DRC9: variants seen among roughly 807,000 people sequenced by gnomAD.
DRC9 encodes dynein regulatory complex protein 9.
At chr3:197,934,527 C>T in the DRC9 span, among the ~76,000 whole-genome samples, 1 of 152,030 alleles carries the variant, frequency 6.6e-6, no homozygotes, top group African/African-American at 2.4e-5. Context: ...GTTCAGGAAA[C>T]ATTCACATTT....
chr3:197,939,490 G>A, the DRC9 span, among the ~76,000 whole-genome samples: 1 of 152,214 alleles, frequency 6.6e-6, no homozygotes, highest in East Asian at 1.9e-4. Context: ...CGCAGGAACG[G>A]CCTATGCCTT....
chr3:197,921,563 G>C, the DRC9 span, among the ~76,000 whole-genome samples: 1 of 151,856 alleles, frequency 6.6e-6, no homozygotes, highest in Non-Finnish European at 1.5e-5. Context: ...GTTTCGTCTT[G>C]GTCGACCCGA....
chr3:197,927,987 T>G, the DRC9 span, among the ~76,000 whole-genome samples: 1 of 152,082 alleles, frequency 6.6e-6, no homozygotes, highest in South Asian at 2.1e-4. Context: ...GGGAGAGCAT[T>G]AGGAGAAATA....
chr3:197,929,499 C>T, the DRC9 span, among the ~76,000 whole-genome samples: 18 of 152,178 alleles, frequency 1.2e-4, no homozygotes, highest in Middle Eastern at 3.4e-3. This position sits in a 1 kb window ranked among gnomAD's most constrained non-coding sequence, Gnocchi z 4.6. Context: ...GAGCCAGGTG[C>T]GGTGGCTCAC....
the DRC9 span, chr3:197,943,626 G>A: frequency 9.6e-5 from 69 of 719,512 alleles, 1 homozygote; most frequent in African/African-American, 9.3e-4. Context: ...GCCACAGAGC[G>A]AGACCCTGTC....
the DRC9 span, among the ~76,000 whole-genome samples, chr3:197,949,075 TA>T: frequency 2.0e-5 from 3 of 152,324 alleles, no homozygotes; most frequent in African/African-American, 7.2e-5. Context: ...AAGCCTCTTT[TA>T]CAGTGGCCTC....
chr3:197,953,579 C>T, the DRC9 span: 1 of 457,886 alleles, frequency 2.2e-6, no homozygotes, highest in South Asian at 1.5e-5. Context: ...CCCGTGATCA[C>T]TTCATGGCAT....
the DRC9 span, among the ~76,000 whole-genome samples, chr3:197,898,794 T>C: frequency 1.3e-5 from 2 of 152,184 alleles, no homozygotes; most frequent in African/African-American, 4.8e-5. Context: ...GTCTCGCCCT[T>C]GACATGTGGG....
the DRC9 span, among the ~76,000 whole-genome samples, chr3:197,893,357 C>CAAAAAAAAAA: frequency 6.9e-5 from 3 of 43,276 alleles, no homozygotes; most frequent in Admixed American, 3.0e-4. Flanking sequence ...AACTCCGTCT[C>CAAAAAAAAAA]AAAAAAAAAA....
At chr3:197,951,398 G>A in the DRC9 span, 1 of 1,436,806 alleles carries the variant, frequency 7.0e-7, no homozygotes, top group Non-Finnish European at 9.8e-7. Context: ...CTGTTGCCGA[G>A]GCTGGAATGC....
the DRC9 span, chr3:197,906,331 C>T: frequency 2.6e-5 from 4 of 152,100 alleles, no homozygotes; most frequent in East Asian, 7.7e-4. Context: ...TAGGGTTTAT[C>T]CCAGGAATTT....
chr3:197,921,737 C>T, the DRC9 span, among the ~76,000 whole-genome samples: 1 of 137,568 alleles, frequency 7.3e-6, no homozygotes, highest in African/African-American at 3.0e-5. Context: ...TCTTGGTCGA[C>T]CCGACTACTG....
At chr3:197,931,383 G>T in the DRC9 span, among the ~76,000 whole-genome samples, 1 of 152,000 alleles carries the variant, frequency 6.6e-6, no homozygotes, top group Non-Finnish European at 1.5e-5. Flanking sequence ...TTCGGAGGCT[G>T]AGGCAGGGGA....
chr3:197,955,990 A>G, the DRC9 span: 3 of 552,170 alleles, frequency 5.4e-6, no homozygotes, highest in African/African-American at 5.7e-5. Context: ...AGTATCTTTG[A>G]CAGAGTCTTG....
At chr3:197,891,586 CTT>C in the DRC9 span, 1 of 1,171,390 alleles carries the variant, frequency 8.5e-7, no homozygotes, top group Non-Finnish European at 1.3e-6. Flanking sequence ...ATAGTACTCT[CTT>C]GGCTAAGCTG....
At chr3:197,891,621 T>C in the DRC9 span, 2 of 712,656 alleles carry the variant, frequency 2.8e-6, no homozygotes, top group South Asian at 2.3e-5. Context: ...CCCTGCACTT[T>C]TAATATAAAA....
the DRC9 span, chr3:197,932,025 A>G: frequency 7.2e-5 from 50 of 694,248 alleles, 1 homozygote; most frequent in Middle Eastern, 9.0e-4. Flanking sequence ...TTGTCCCAGC[A>G]GAACTAGGAA....
the DRC9 span, among the ~76,000 whole-genome samples, chr3:197,905,925 GAAGA>G: frequency 6.6e-6 from 1 of 151,510 alleles, no homozygotes; most frequent in East Asian, 1.9e-4. Context: ...ATCCTGATGA[GAAGA>G]AAAACTTTTA....
At chr3:197,950,420 C>T in the DRC9 span, 38 of 910,186 alleles carry the variant, frequency 4.2e-5, no homozygotes, top group African/African-American at 6.0e-4. Flanking sequence ...AACGGCTGCC[C>T]GGGTTATCCC....
Sources: gnomAD v4.1 joint callset for allele counts (sites outside exome capture counted in the v4.1 genomes callset) on GRCh38, gnomAD v4.1.1 for gene constraint, Gnocchi (gnomAD v3.1) non-coding constraint, MANE v1.5 for transcripts, NCBI Gene and HGNC (gene_info 2026-07-23, HGNC 2026-07-21) for gene names.